The following NAV3 variants were observed in gnomAD, a reference collection of about 807,000 sequenced individuals.
NAV3 encodes the protein pore membrane and/or filament interacting like protein 1.
NAV3 carries 87 observed loss-of-function variants against 244.7 expected under a neutral mutation model. The observed-to-expected ratio is 0.36, with a 90% CI of 0.30 to 0.42. The LOEUF is 0.42. Among genes scored for constraint, NAV3 ranks in the 20% least tolerant of loss-of-function variants. NAV3 has a pLI of 1.00. For synonymous variants in NAV3, 1,126 were observed against 1,042.2 expected (o/e 1.08, Z -1.55); for missense variants, 2,663 against 2,893.3 (o/e 0.92, Z 1.83).
chr12:77,653,937 C>A (rs763116899), intron 2 of NAV3, among the ~76,000 whole-genome samples: 1 of 143,168 alleles, frequency 7.0e-6, no homozygotes, highest in Non-Finnish European at 1.5e-5. Context: ...ATGCAGATAC[C>A]CCCTGAAGTA....
At chr12:78,108,703 T>C (rs1489993628) in intron 12 of NAV3, among the ~76,000 whole-genome samples, 1 of 152,096 alleles carries the variant, frequency 6.6e-6, no homozygotes, top group East Asian at 1.9e-4. Flanking sequence ...ATGTTCCTGG[T>C]TGATCACTGG....
intron 12 of NAV3, among the ~76,000 whole-genome samples, chr12:78,104,089 G>A (rs1323320366): frequency 1.3e-5 from 2 of 152,186 alleles, no homozygotes; most frequent in African/African-American, 2.4e-5. Context: ...AGATTCAGTA[G>A]TAAGCATGTT....
intron 1 of NAV3, among the ~76,000 whole-genome samples, chr12:77,903,040 A>T (rs569855565): frequency 6.6e-6 from 1 of 152,356 alleles, no homozygotes; most frequent in African/African-American, 2.4e-5. Flanking sequence ...GGTAGGAAGA[A>T]TCAATATCGT....
At chr12:77,824,558 G>C (rs1046070449) in intron 2 of NAV3, among the ~76,000 whole-genome samples, 1 of 151,820 alleles carries the variant, frequency 6.6e-6, no homozygotes, top group African/African-American at 2.4e-5. Context: ...ACTATAAAAA[G>C]GTCCAATGAA....
intron 2 of NAV3, among the ~76,000 whole-genome samples, chr12:77,658,941 C>A (rs1873278160): frequency 6.6e-6 from 1 of 152,142 alleles, no homozygotes; most frequent in African/African-American, 2.4e-5. Context: ...TTCCTTACAC[C>A]TTATACAAAA....
intron 2 of NAV3, among the ~76,000 whole-genome samples, chr12:77,700,093 G>A (rs1004744902): frequency 2.6e-5 from 4 of 151,980 alleles, no homozygotes; most frequent in Admixed American, 1.3e-4. Context: ...TCTGTGCTTC[G>A]ATACAAACCT....
chr12:77,842,118 TC>T (rs920303932), intron 1 of NAV3, among the ~76,000 whole-genome samples: 1 of 152,174 alleles, frequency 6.6e-6, no homozygotes, highest in Non-Finnish European at 1.5e-5. Context: ...CAATAAGTTG[TC>T]CAGAATTACA....
intron 1 of NAV3, among the ~76,000 whole-genome samples, chr12:77,839,804 T>C (rs1875310666): frequency 6.6e-6 from 1 of 152,210 alleles, no homozygotes. Context: ...GCATGGTGGC[T>C]CACACCTGTA....
intron 39 of NAV3, among the ~76,000 whole-genome samples, chr12:78,205,597 A>G (rs1437966137): frequency 6.6e-6 from 1 of 152,048 alleles, no homozygotes; most frequent in Non-Finnish European, 1.5e-5. Context: ...TACTGTAGCA[A>G]AGGATAAACT....
chr12:77,738,742 G>A (rs549262962), intron 2 of NAV3, among the ~76,000 whole-genome samples: 2 of 152,228 alleles, frequency 1.3e-5, no homozygotes, highest in South Asian at 2.1e-4. Context: ...CTGGGCGCGT[G>A]GCTCACGCCT....
chr12:78,138,468 T>C (rs931057187), intron 19 of NAV3, among the ~76,000 whole-genome samples: 1 of 152,150 alleles, frequency 6.6e-6, no homozygotes, highest in Non-Finnish European at 1.5e-5. Flanking sequence ...ATGGATTCAA[T>C]ATACTGGCAT....
At chr12:78,195,110 A>G (rs1050366159) in intron 34 of NAV3, among the ~76,000 whole-genome samples, 2 of 151,918 alleles carry the variant, frequency 1.3e-5, no homozygotes, top group African/African-American at 4.8e-5. Flanking sequence ...GTTTCCTTGG[A>G]TAAATAAATT....
intron 2 of NAV3, among the ~76,000 whole-genome samples, chr12:77,768,999 C>G (rs1045215889): frequency 6.6e-6 from 1 of 152,204 alleles, no homozygotes; most frequent in Non-Finnish European, 1.5e-5. Context: ...TACAGTGAGT[C>G]ATACATTAAT....
chr12:78,106,568 A>C (rs554148983), intron 12 of NAV3, among the ~76,000 whole-genome samples: 31 of 152,324 alleles, frequency 2.0e-4, no homozygotes, highest in Non-Finnish European at 3.2e-4. Context: ...TATTTCTATA[A>C]TTCAAATGGA....
intron 5 of NAV3, among the ~76,000 whole-genome samples, chr12:77,972,771 C>T (rs1443821630): frequency 6.6e-6 from 1 of 151,922 alleles, no homozygotes; most frequent in Non-Finnish European, 1.5e-5. Flanking sequence ...AAAATAAATC[C>T]TACAATTTTA....
intron 2 of NAV3, among the ~76,000 whole-genome samples, chr12:77,812,971 C>T (rs532771783): frequency 6.6e-6 from 1 of 152,160 alleles, no homozygotes; most frequent in East Asian, 1.9e-4. Flanking sequence ...GGATTACAGG[C>T]ATGCATCACC....
intron 1 of NAV3, among the ~76,000 whole-genome samples, chr12:77,920,276 A>G (rs1413094198): frequency 2.0e-5 from 3 of 152,032 alleles, no homozygotes; most frequent in Admixed American, 1.3e-4. Context: ...CCCATAATTA[A>G]TATTTGAATA....
intron 1 of NAV3, among the ~76,000 whole-genome samples, chr12:77,899,610 G>C (rs1885021394): frequency 6.6e-6 from 1 of 152,284 alleles, no homozygotes; most frequent in East Asian, 1.9e-4. Flanking sequence ...TTTACATGAG[G>C]TAGAAAACTA....
chr12:77,888,466 G>T (rs543864558), intron 1 of NAV3, among the ~76,000 whole-genome samples: 1 of 152,202 alleles, frequency 6.6e-6, no homozygotes, highest in South Asian at 2.1e-4. Context: ...AGCACAGCAA[G>T]ACCCTGTTTT....
Sources: gnomAD v4.1 joint callset for allele counts (sites outside exome capture counted in the v4.1 genomes callset) on GRCh38, gnomAD v4.1.1 for gene constraint, MANE v1.5 for transcripts, NCBI Gene and HGNC (gene_info 2026-07-23, HGNC 2026-07-21) for gene names.